BEND7: variants seen among roughly 807,000 people sequenced by gnomAD.
BEND7 encodes BEN domain containing 7.
BEND7 carries 28 observed loss-of-function variants against 50.9 expected under a neutral mutation model. The observed-to-expected ratio is 0.55, with a 90% CI of 0.41 to 0.75. The LOEUF is 0.75. Ranked by LOEUF, BEND7 falls within the 30% of genes least tolerant of loss-of-function variation. The pLI, the probability that BEND7 is intolerant of heterozygous loss-of-function variation, is 0.00. For missense variants in BEND7, 477 were observed against 491.3 expected, an observed-to-expected ratio of 0.97 and a Z score of 0.28; for synonymous variants, 170 against 183.9, an observed-to-expected ratio of 0.92 and a Z score of 0.61.
chr10:13,458,749 A>G lies in BEND7; in HGVS notation c.1064-6091T>C, dbSNP rs181022488. Among the ~76,000 whole-genome samples the G allele has an allele frequency of 9.5e-4, 144 of 152,322 alleles. 1 individual carries two copies. The highest frequency in any genetic ancestry group is 3.3e-3 in the African/African-American group (138 of 41,578). ...CAGGTCCCAGGGGACAAGCAGAGGG[A>G]CCCAACTGGGGAGCACTTGCAGCCA... On this transcript the variant is annotated intron_variant, in intron 6 of 8. Transcript: ENST00000466271.
At chr10:13,472,984 G>A (rs2075037076) in intron 6 of BEND7, among the ~76,000 whole-genome samples, 1 of 152,090 alleles carries the variant, frequency 6.6e-6, no homozygotes. Context: ...CTTAGACTCG[G>A]GGTTGATACT....
intron 6 of BEND7, among the ~76,000 whole-genome samples, chr10:13,453,048 C>T (rs372241755): frequency 2.8e-4 from 42 of 152,142 alleles, no homozygotes; most frequent in Non-Finnish European, 2.1e-4. Context: ...CAAAATTGAA[C>T]GCAAAATTAA....
At chr10:13,464,791 C>G (rs998063456) in intron 6 of BEND7, among the ~76,000 whole-genome samples, 1 of 152,326 alleles carries the variant, frequency 6.6e-6, no homozygotes, top group South Asian at 2.1e-4. Context: ...TCTCCTAGGG[C>G]TATGCCACAG....
At chr10:13,451,760 T>A (rs1444318040) in intron 7 of BEND7, among the ~76,000 whole-genome samples, 1 of 31,310 alleles carries the variant, frequency 3.2e-5, no homozygotes, top group Non-Finnish European at 5.9e-5. Context: ...TCCCTCCCCC[T>A]CCCCCCACCC....
intron 2 of BEND7, among the ~76,000 whole-genome samples, chr10:13,507,961 C>T (rs1186816090): frequency 6.6e-6 from 1 of 152,186 alleles, no homozygotes; most frequent in Non-Finnish European, 1.5e-5. Context: ...AATATTTCCT[C>T]TTAAAAACTC....
At chr10:13,508,025 A>G (rs766431891) in intron 2 of BEND7, among the ~76,000 whole-genome samples, 2 of 152,230 alleles carry the variant, frequency 1.3e-5, no homozygotes, top group Non-Finnish European at 2.9e-5. Context: ...GGCCTGTCAA[A>G]TGGGAGACAG....
intron 6 of BEND7, among the ~76,000 whole-genome samples, chr10:13,478,329 G>A (rs2131665445): frequency 6.6e-6 from 1 of 152,328 alleles, no homozygotes; most frequent in Middle Eastern, 3.4e-3. Flanking sequence ...ACCCCTCCCT[G>A]CATCTGCTGT....
intron 6 of BEND7, among the ~76,000 whole-genome samples, chr10:13,476,875 C>T (rs1462416588): frequency 6.6e-6 from 1 of 152,112 alleles, no homozygotes; most frequent in Non-Finnish European, 1.5e-5. Flanking sequence ...GTGAATGTTT[C>T]TAATTAAAAA....
intron 8 of BEND7, chr10:13,442,033 G>A (rs1835402605): frequency 2.2e-6 from 1 of 458,438 alleles, no homozygotes. Context: ...TTATCCCAGA[G>A]GGCCTCTCCT....
intron 2 of BEND7, among the ~76,000 whole-genome samples, chr10:13,508,063 G>A (rs1450140990): frequency 2.0e-5 from 3 of 152,234 alleles, no homozygotes; most frequent in South Asian, 4.1e-4. Context: ...GGGCCTTCAG[G>A]CTTGCGGGCA....
intron 6 of BEND7, among the ~76,000 whole-genome samples, chr10:13,480,042 C>T (rs936332997): frequency 2.6e-5 from 4 of 152,168 alleles, no homozygotes; most frequent in Non-Finnish European, 4.4e-5. Flanking sequence ...CACCCCTATC[C>T]GTTATTCCAG....
At chr10:13,518,472 G>A (rs1421337527) in intron 2 of BEND7, among the ~76,000 whole-genome samples, 1 of 152,252 alleles carries the variant, frequency 6.6e-6, no homozygotes, top group Non-Finnish European at 1.5e-5. Context: ...CTTGCTTCAT[G>A]TGAAATCTGA....
chr10:13,521,852 C>T (rs1160278194), intron 2 of BEND7, among the ~76,000 whole-genome samples: 3 of 152,142 alleles, frequency 2.0e-5, no homozygotes, highest in African/African-American at 2.4e-5. Flanking sequence ...GGGAGGAGAA[C>T]GATGTCGTGG....
intron 6 of BEND7, among the ~76,000 whole-genome samples, chr10:13,473,444 T>C (rs1220759012): frequency 6.7e-6 from 1 of 149,394 alleles, no homozygotes; most frequent in Non-Finnish European, 1.5e-5. Context: ...CTGTCAGATT[T>C]GGGGTCGATA....
chr10:13,439,162 C>G, downstream of BEND7: 2 of 1,592,938 alleles, frequency 1.3e-6, no homozygotes, highest in East Asian at 2.2e-5. Flanking sequence ...CATAAATAAG[C>G]AAGATAATTT....
chr10:13,450,787 G>A (rs1164965923), intron 7 of BEND7, among the ~76,000 whole-genome samples: 1 of 152,132 alleles, frequency 6.6e-6, no homozygotes, highest in Non-Finnish European at 1.5e-5. Flanking sequence ...GGGGAGGGGT[G>A]GGGAGCAGGC....
intron 2 of BEND7, among the ~76,000 whole-genome samples, chr10:13,525,137 C>A (rs1051905081): frequency 1.3e-5 from 2 of 152,206 alleles, no homozygotes; most frequent in Non-Finnish European, 2.9e-5. Flanking sequence ...CTGTGCAGTG[C>A]TGTGCCCTCA....
chr10:13,459,803 GTACTT>G (rs1839841676), intron 6 of BEND7: 1 of 152,250 alleles, frequency 6.6e-6, no homozygotes, highest in Middle Eastern at 3.4e-3. Context: ...TCATGACCCA[GTACTT>G]TACTTGTTGG....
At chr10:13,500,772 T>A in intron 2 of BEND7, 1 of 985,394 alleles carries the variant, frequency 1.0e-6, no homozygotes, top group South Asian at 4.7e-5. Context: ...CTGACTCCCA[T>A]CACATCAGCC....
Sources: gnomAD v4.1 joint callset for allele counts (sites outside exome capture counted in the v4.1 genomes callset) on GRCh38, gnomAD v4.1.1 for gene constraint, MANE v1.5 for transcripts, NCBI Gene and HGNC (gene_info 2026-07-23, HGNC 2026-07-21) for gene names.